The following CCDC50 variants were observed in gnomAD, a reference collection of about 807,000 sequenced individuals.
CCDC50 encodes the protein coiled-coil domain containing 50, also known as coiled-coil domain-containing protein 50.
A neutral mutation model predicts 70.2 loss-of-function variants in CCDC50; 54 were observed. The ratio of observed to expected loss-of-function variants is 0.77; its 90% confidence interval spans 0.62 to 0.96. The LOEUF (loss-of-function observed/expected upper bound fraction) is 0.96. Among genes scored for constraint, CCDC50 ranks in the 50% least tolerant of loss-of-function variants. The pLI is 0.00. For synonymous variants in CCDC50, 216 were observed against 198.8 expected (o/e 1.09, Z -0.73); for missense variants, 558 against 578.7 (o/e 0.96, Z 0.37).
chr3:191,380,139 G>GGTT lies in CCDC50; in HGVS notation c.977-20_977-19insGTT. 8.5e-7 allele frequency: 1 copy of GGTT among 1,182,930 alleles called. No individual in the cohort carries two copies. The highest frequency in any genetic ancestry group is 1.2e-6 in the Non-Finnish European group (1 of 823,362). 73.3% of individuals were successfully genotyped at this position (1,182,930 alleles called of 1,614,324 possible). A position where few individuals can be genotyped will look rare whatever the true frequency, so the allele number is the denominator to read the frequency against. ...ATCCTCGGTTGTTTTATTACATTGA[G>GGTT]TTTTTTTTTTTTTTTAAAGGAATGA... On this transcript the variant is annotated intron_variant, in intron 6 of 11. Transcript: ENST00000392455.
chr3:191,330,537 A>G (rs1717945424), intron 1 of CCDC50: 2 of 151,862 alleles, frequency 1.3e-5, no homozygotes, highest in Non-Finnish European at 2.9e-5. Context: ...GCCTTGAGTT[A>G]TCTTTGTTTA....
intron 1 of CCDC50, among the ~76,000 whole-genome samples, chr3:191,341,193 G>T (rs1711718452): frequency 6.6e-6 from 1 of 152,078 alleles, no homozygotes; most frequent in South Asian, 2.1e-4. Context: ...GACTTAGTGG[G>T]ACCTCACTAG....
chr3:191,367,912 T>C (rs527799787), intron 4 of CCDC50, among the ~76,000 whole-genome samples: 90 of 152,180 alleles, frequency 5.9e-4, no homozygotes, highest in African/African-American at 2.1e-3. Context: ...TTTTGGAGAA[T>C]AGGCTATCTG....
At chr3:191,389,382 C>A in intron 10 of CCDC50, 114 bp from the exon 11 acceptor site, 1 of 849,238 alleles carries the variant, frequency 1.2e-6, no homozygotes, top group Non-Finnish European at 2.1e-6. Flanking sequence ...AATTCTGAAG[C>A]ATTTTGGCTT....
intron 1 of CCDC50, among the ~76,000 whole-genome samples, chr3:191,343,205 A>C (rs923068515): frequency 5.3e-5 from 8 of 152,220 alleles, no homozygotes; most frequent in African/African-American, 1.9e-4. Flanking sequence ...ACGTATACCC[A>C]GGGATGACTG....
At chr3:191,379,757 C>T (rs1224712524) in intron 6 of CCDC50, among the ~76,000 whole-genome samples, 1 of 152,134 alleles carries the variant, frequency 6.6e-6, no homozygotes, top group Non-Finnish European at 1.5e-5. Context: ...CTACTCTCCT[C>T]CAGCCTTGAC....
chr3:191,359,002 T>C (rs1712392926), intron 3 of CCDC50, among the ~76,000 whole-genome samples: 1 of 152,204 alleles, frequency 6.6e-6, no homozygotes, highest in African/African-American at 2.4e-5. Context: ...CCTTATTTTG[T>C]AAATAAACAC....
rs1349705223 is a variant in CCDC50, at chr3:191,382,763, A to C, written c.1260A>C (p.Ala420=). 6.2e-7 allele frequency: 1 copy of C among 1,612,500 alleles called. No individual in the cohort carries two copies. The highest frequency in any genetic ancestry group is 2.2e-5 in the East Asian group (1 of 44,854). The change falls in exon 10 of 12, where the codon GCA becomes GCC. Residue 420 remains alanine, a synonymous_variant. Coordinates refer to ENST00000392455, the MANE Select transcript of CCDC50 (RefSeq NM_178335.3). Reference sequence around the variant, plus strand: ...GTCCATAGCCAAAAACAGCTAAAGCAGCAAATTCCAAGTCAAAAGAGAGTG... The same window carrying C: ...GTCCATAGCCAAAAACAGCTAAAGCCGCAAATTCCAAGTCAAAAGAGAGTG... ...DPEWKPKTAK[A]ANSKSKESDE... is the part of the protein sequence containing the mutation.
chr3:191,333,854 TA>T (rs1718062599), intron 1 of CCDC50, among the ~76,000 whole-genome samples: 1 of 152,178 alleles, frequency 6.6e-6, no homozygotes, highest in Non-Finnish European at 1.5e-5. Context: ...ATTAAATTTA[TA>T]AAAACTTCGA....
rs1713897087 is a variant in CCDC50 at position 191,397,434 on chromosome 3, C to CTGTAAGAA, written c.*5674_*5675insTGTAAGAA. The CTGTAAGAA allele has an allele frequency of 2.0e-5, 3 of 152,092 alleles. No homozygotes were observed. Among genetic ancestry groups the CTGTAAGAA allele is most frequent in the Non-Finnish European group, 4.4e-5 (3 of 68,022 alleles). 9.4% of individuals were successfully genotyped at this position (152,092 alleles called of 1,614,324 possible). ...TATATTTTTCTCTTCTTACAGGCAACCCAATATTTATTTCATAAAGTGTTA... is the reference window on the plus strand; with the variant it reads ...TATATTTTTCTCTTCTTACAGGCAACTGTAAGAACCAATATTTATTTCATAAAGTGTTA... On this transcript the variant is annotated 3_prime_UTR_variant, in exon 12 of 12. Transcript: ENST00000392455.
Position 191,393,488 on chromosome 3 carries a change from GTC to G in CCDC50, c.*1733_*1734del, listed in dbSNP as rs1193488218. 6.6e-6 allele frequency: 1 copy of G among 152,112 alleles called. No individual in the cohort carries two copies. Among genetic ancestry groups the G allele is most frequent in the Non-Finnish European group, 1.5e-5 (1 of 68,024 alleles). 9.4% of individuals were successfully genotyped at this position (152,112 alleles called of 1,614,324 possible). ...GAACAGTTTCTCAGAGTGGATTTGG[GTC>G]TCTCATTTGAGAAAGATTTGTAGTT... On this transcript the variant is annotated 3_prime_UTR_variant, in exon 12 of 12. Coordinates refer to ENST00000392455, the MANE Select transcript of CCDC50 (RefSeq NM_178335.3).
intron 3 of CCDC50, among the ~76,000 whole-genome samples, chr3:191,359,129 C>A (rs768789975): frequency 6.6e-6 from 1 of 152,092 alleles, no homozygotes; most frequent in African/African-American, 2.4e-5. Flanking sequence ...TCTAGAGATA[C>A]GTGCATGAGT....
Position 191,393,953 on chromosome 3 carries a change from C to T in CCDC50, c.*2193C>T, listed in dbSNP as rs925412349. 1.3e-5 allele frequency: 2 copies of T among 152,010 alleles called. No homozygotes were observed. The allele number at this position is 152,010 out of a possible 1,614,324, so 9.4% of individuals were successfully genotyped here. On this transcript the variant is annotated 3_prime_UTR_variant, in exon 12 of 12. Coordinates refer to ENST00000392455, the MANE Select transcript of CCDC50 (RefSeq NM_178335.3). ...ATTTCATAAATATTTATTTTTCTAT[C>T]TCATACAATGATCAGTTTTACTTTA...
chr3:191,329,847 T>C (rs557241032), intron 1 of CCDC50, 124 bp downstream of exon 1: 2 of 868,854 alleles, frequency 2.3e-6, no homozygotes, highest in Admixed American at 5.5e-5. Flanking sequence ...TGCGTTGGCC[T>C]TGCCCGGACG....
intron 5 of CCDC50, among the ~76,000 whole-genome samples, chr3:191,374,861 A>G (rs558228746): frequency 1.1e-4 from 17 of 152,246 alleles, no homozygotes; most frequent in Middle Eastern, 3.4e-3. Context: ...CATTTTGGCT[A>G]TGTACCCAGA....
chr3:191,389,634 T>A, intron 11 of CCDC50, 32 bp downstream of exon 11: 1 of 1,516,904 alleles, frequency 6.6e-7, no homozygotes, highest in Non-Finnish European at 9.2e-7. Flanking sequence ...AAGTTTAGGA[T>A]CTTCTTTTTT....
intron 1 of CCDC50, among the ~76,000 whole-genome samples, chr3:191,341,159 G>A (rs1222979138): frequency 6.6e-6 from 1 of 152,160 alleles, no homozygotes; most frequent in African/African-American, 2.4e-5. Flanking sequence ...TACTAGACAA[G>A]TGACTAGATC....
chr3:191,333,210 C>G (rs566866956), intron 1 of CCDC50, among the ~76,000 whole-genome samples: 2 of 152,168 alleles, frequency 1.3e-5, no homozygotes, highest in Admixed American at 1.3e-4. Context: ...GGGAGCAAAT[C>G]CTTTTTCTTT....
At chr3:191,358,212 CTGT>C in intron 3 of CCDC50, 88 bp downstream of exon 3, 11 of 1,474,360 alleles carry the variant, frequency 7.5e-6, no homozygotes, top group Non-Finnish European at 9.4e-6. Context: ...GAGACTACTT[CTGT>C]TCCTCTGATT....
Sources: allele counts gnomAD v4.1 joint callset (sites outside exome capture counted in the v4.1 genomes callset), GRCh38; gene constraint gnomAD v4.1.1; transcripts MANE v1.5; gene names NCBI Gene and HGNC (gene_info 2026-07-23, HGNC 2026-07-21).